ZNF385D: variants seen among roughly 807,000 people sequenced by gnomAD.
ZNF385D encodes zinc finger protein 385D, also known as zinc finger protein 659.
ZNF385D carries 15 observed loss-of-function variants against 35.8 expected under a neutral mutation model. The ratio of observed to expected loss-of-function variants is 0.42; its 90% CI spans 0.28 to 0.64. The LOEUF is 0.64. ZNF385D is among the 30% of genes least tolerant of loss of function. The probability of loss-of-function intolerance (pLI) is 0.23; values close to 1 mark genes in which losing one functional copy is unlikely to be tolerated. For synonymous variants in ZNF385D, 212 were observed against 186.8 expected (o/e 1.13, Z -1.10); for missense variants, 474 against 494.6 (o/e 0.96, Z 0.39).
intron 2 of ZNF385D, among the ~76,000 whole-genome samples, chr3:21,649,904 C>T (rs1165511479): frequency 6.6e-6 from 1 of 152,004 alleles, no homozygotes; most frequent in Non-Finnish European, 1.5e-5. Context: ...TTCATTTATT[C>T]CACAACATTC....
At chr3:21,978,851 T>C (rs974357683) in intron 3 of ZNF385D, among the ~76,000 whole-genome samples, 4 of 152,298 alleles carry the variant, frequency 2.6e-5, no homozygotes, top group Middle Eastern at 3.4e-3. Flanking sequence ...ACCTTGACTG[T>C]ATAAAAATAT....
At chr3:21,955,586 C>T (rs531546355) in intron 3 of ZNF385D, among the ~76,000 whole-genome samples, 3 of 152,182 alleles carry the variant, frequency 2.0e-5, no homozygotes, top group South Asian at 2.1e-4. Flanking sequence ...ACATTACTTG[C>T]GGTGCCAAAC....
intron 2 of ZNF385D, among the ~76,000 whole-genome samples, chr3:21,608,942 T>A (rs1474572748): frequency 6.6e-6 from 1 of 152,298 alleles, no homozygotes; most frequent in South Asian, 2.1e-4. Flanking sequence ...GGAAAAAAAT[T>A]TTAAACATGT....
At chr3:21,912,208 A>T (rs1408213075) in intron 3 of ZNF385D, among the ~76,000 whole-genome samples, 1 of 151,834 alleles carries the variant, frequency 6.6e-6, no homozygotes, top group African/African-American at 2.4e-5. Flanking sequence ...TCTTAAAATT[A>T]TTCAGCCCAG....
chr3:21,477,890 C>A (rs567035094), intron 4 of ZNF385D, among the ~76,000 whole-genome samples: 1 of 152,114 alleles, frequency 6.6e-6, no homozygotes, highest in Non-Finnish European at 1.5e-5. Flanking sequence ...TTTGTTATCA[C>A]CTACATTTCT....
Position 22,311,120 on chromosome 3 carries a change from A to C in ZNF385D, c.106+61330T>G, listed in dbSNP as rs552188890. 1.1e-3 allele frequency among the ~76,000 whole-genome samples: 171 copies of C among 152,084 alleles called. 1 individual carries two copies. Among genetic ancestry groups the C allele is most frequent in the African/African-American group, 3.8e-3 (160 of 41,560 alleles). ...AGAAGATGAAATCAGGGGTACGACC[A>C]GAGACAGAAGAAAGGAGAAAAAGGA... On this transcript the variant is annotated intron_variant, in intron 2 of 5. Transcript: ENST00000494108.
chr3:22,132,053 G>T (rs760072655), intron 3 of ZNF385D, among the ~76,000 whole-genome samples: 1 of 152,090 alleles, frequency 6.6e-6, no homozygotes, highest in African/African-American at 2.4e-5. Context: ...TTCATCAATT[G>T]ATAAAGAGGA....
At chr3:22,222,847 C>A (rs553596727) in intron 2 of ZNF385D, among the ~76,000 whole-genome samples, 1 of 152,258 alleles carries the variant, frequency 6.6e-6, no homozygotes, top group African/African-American at 2.4e-5. Flanking sequence ...ATAAGAACCA[C>A]GAGTCTTTTT....
intron 3 of ZNF385D, among the ~76,000 whole-genome samples, chr3:22,027,282 G>C (rs1182278377): frequency 1.3e-5 from 2 of 152,174 alleles, no homozygotes; most frequent in South Asian, 2.1e-4. Context: ...CCCATTTACT[G>C]AGTGACCTGA....
chr3:22,104,912 G>T (rs1352403471), intron 3 of ZNF385D, among the ~76,000 whole-genome samples: 1 of 152,156 alleles, frequency 6.6e-6, no homozygotes, highest in Non-Finnish European at 1.5e-5. Context: ...TGAAGAGAAT[G>T]CTGAAGAACG....
upstream of ZNF385D, among the ~76,000 whole-genome samples, chr3:21,755,301 G>A (rs537354944): frequency 6.6e-6 from 1 of 152,214 alleles, no homozygotes; most frequent in African/African-American, 2.4e-5. Flanking sequence ...TTTAAAAATG[G>A]TATGATCATG....
chr3:21,447,660 T>G lies in ZNF385D; in HGVS notation c.440-10457A>C. On this transcript the variant is annotated intron_variant, in intron 4 of 7. Coordinates refer to ENST00000281523, the MANE Select transcript of ZNF385D (RefSeq NM_024697.3). ...CCACGATATCTAACGGTTGGAATTA[T>G]GACATGATAAATCATGAATCTTGAA... Among the ~76,000 whole-genome samples, 2 of 152,318 alleles carry G rather than the reference T, an allele frequency of 1.3e-5. 1 individual carries two copies. The highest frequency in any genetic ancestry group is 3.9e-4 in the East Asian group (2 of 5,184).
At chr3:22,331,362 T>G (rs995831095) in intron 2 of ZNF385D, among the ~76,000 whole-genome samples, 1 of 149,682 alleles carries the variant, frequency 6.7e-6, no homozygotes, top group Non-Finnish European at 1.5e-5. Context: ...TCTAAGCAAT[T>G]AATGTAAATA....
At position 21,760,301 on chromosome 3, in the gene ZNF385D, C is replaced by T. The variant is rs368605534; in HGVS notation, c.326-95273G>A. Among the ~76,000 whole-genome samples the T allele has an allele frequency of 2.3e-4, 35 of 152,272 alleles. 1 individual carries two copies. In the East Asian group the frequency reaches 3.1e-3, roughly 13 times the overall value. On this transcript the variant is annotated intron_variant, in intron 3 of 5. Transcript: ENST00000494108. The stretch of plus-strand genomic sequence containing the variant: ...CCCAAAGGAACTCTGCACAGCCATA[C>T]GTGAATACAACTGGAGGAACTTAAT...
intron 4 of ZNF385D, among the ~76,000 whole-genome samples, chr3:21,439,905 CT>C (rs1701771401): frequency 6.6e-6 from 1 of 151,996 alleles, no homozygotes; most frequent in Non-Finnish European, 1.5e-5. Flanking sequence ...TTCTGGAATA[CT>C]TTTGACCACA....
chr3:21,715,257 G>A (rs533821103), intron 1 of ZNF385D, among the ~76,000 whole-genome samples: 18 of 152,028 alleles, frequency 1.2e-4, no homozygotes, highest in African/African-American at 3.6e-4. Flanking sequence ...CCCATTACTC[G>A]TTCAAGTTTC....
At chr3:21,878,953 G>A (rs1486693449) in intron 3 of ZNF385D, among the ~76,000 whole-genome samples, 4 of 152,004 alleles carry the variant, frequency 2.6e-5, no homozygotes, top group Non-Finnish European at 4.4e-5. Flanking sequence ...TTTATAAAAA[G>A]AGCCATGTAC....
intron 2 of ZNF385D, among the ~76,000 whole-genome samples, chr3:22,281,794 T>TAA (rs1701757002): frequency 6.6e-6 from 1 of 152,108 alleles, no homozygotes; most frequent in Non-Finnish European, 1.5e-5. Context: ...CTCTATCTTG[T>TAA]GGAATAGTGT....
chr3:21,536,919 TGAGAG>T (rs2062048118), intron 3 of ZNF385D, among the ~76,000 whole-genome samples: 1 of 151,766 alleles, frequency 6.6e-6, no homozygotes, highest in South Asian at 2.1e-4. Context: ...CTGCAAAGGC[TGAGAG>T]GAAAGAGTGA....
Sources: allele counts gnomAD v4.1 joint callset (sites outside exome capture counted in the v4.1 genomes callset), GRCh38; gene constraint gnomAD v4.1.1; transcripts MANE v1.5; gene names NCBI Gene and HGNC (gene_info 2026-07-23, HGNC 2026-07-21).